The following COL5A1 variants were observed in gnomAD, a reference collection of about 807,000 sequenced individuals.
COL5A1 encodes collagen type V alpha 1 chain, also known as collagen alpha-1(V) chain.
Under a neutral mutation model 263.7 loss-of-function variants are expected in COL5A1, and 16 were observed. That is an observed-to-expected ratio of 0.06 (90% confidence interval 0.04 to 0.09). The LOEUF is 0.09. Ranked by LOEUF, COL5A1 falls within the 10% of genes least tolerant of loss-of-function variation. The probability of loss-of-function intolerance (pLI) is 1.00; values close to 1 mark genes in which losing one functional copy is unlikely to be tolerated. For synonymous variants in COL5A1, 1,012 were observed against 1,004.5 expected, an observed-to-expected ratio of 1.01 and a Z score of -0.14; for missense variants, 2,036 against 2,540.5, an observed-to-expected ratio of 0.80 and a Z score of 4.27.
In COL5A1 at chr9:134,642,675, C is replaced by G. The variant is rs921419302; in HGVS notation, c.109+379C>G. Among the ~76,000 whole-genome samples the G allele has an allele frequency of 6.6e-6, 1 of 152,240 alleles. No individual in the cohort carries two copies. Among genetic ancestry groups the G allele is most frequent in the Non-Finnish European group, 1.5e-5 (1 of 68,024 alleles). On this transcript the variant is annotated intron_variant, in intron 1 of 65. Coordinates refer to ENST00000371817, the MANE Select transcript of COL5A1 (RefSeq NM_000093.5). This position sits in a 1 kb window ranked among gnomAD's most constrained non-coding sequence, Gnocchi z 4.5. ...CCTCACAGCCCTACAGCAGAACTTC[C>G]TCTGCTCCAAACCGGGCAGGGCCGC...
chr9:134,704,814 A>G (rs1307836827), intron 4 of COL5A1, among the ~76,000 whole-genome samples: 2 of 150,400 alleles, frequency 1.3e-5, no homozygotes, highest in Non-Finnish European at 3.0e-5. Context: ...TTCCCTTAAC[A>G]GTGTGAGGAG....
chr9:134,786,141 G>GC lies in COL5A1; in HGVS notation c.2646+94dup. ...GCATCCGGCCGTGTTAGGTGTCCCGGCACAGGTGGAAGGATGTTCTGCCGA... is the reference window on the plus strand; with the variant it reads ...GCATCCGGCCGTGTTAGGTGTCCCGGCCACAGGTGGAAGGATGTTCTGCCGA... On this transcript the variant is annotated intron_variant, in intron 31 of 65. Transcript: ENST00000371817. The GC allele has an allele frequency of 5.9e-6, 7 of 1,185,614 alleles. 1 individual carries two copies. The South Asian group carries it at 9.1e-5, about 15-fold the overall frequency. The allele number at this position is 1,185,614 out of a possible 1,614,324, so 73.4% of individuals were successfully genotyped here.
intron 18 of COL5A1, 39 bp from the exon 19 acceptor site, chr9:134,761,886 T>G (rs555991088): frequency 6.2e-7 from 1 of 1,608,066 alleles, no homozygotes; most frequent in Admixed American, 1.7e-5. Flanking sequence ...CTGCATGACC[T>G]GCTCAGGAGA....
chr9:134,819,120 A>C, intron 57 of COL5A1, 67 bp downstream of exon 57: 7 of 1,498,370 alleles, frequency 4.7e-6, no homozygotes, highest in Non-Finnish European at 6.5e-6. Flanking sequence ...CGTGGGTCTC[A>C]AACTCAACAA....
intron 4 of COL5A1, among the ~76,000 whole-genome samples, chr9:134,725,277 C>T (rs764388400): frequency 1.3e-4 from 20 of 152,178 alleles, no homozygotes; most frequent in Non-Finnish European, 1.0e-4. Flanking sequence ...CACAGGTCCT[C>T]GGTTTCCTCT....
intron 65 of COL5A1, among the ~76,000 whole-genome samples, chr9:134,839,324 CAG>C (rs1166661053): frequency 2.6e-5 from 4 of 152,192 alleles, no homozygotes; most frequent in South Asian, 2.1e-4. Context: ...AACGGGGTAA[CAG>C]AGCGGCTCGC....
intron 4 of COL5A1, among the ~76,000 whole-genome samples, chr9:134,725,189 C>G (rs1034492091): frequency 6.6e-6 from 1 of 152,082 alleles, no homozygotes; most frequent in Admixed American, 6.5e-5. Flanking sequence ...TGTGGTGGGG[C>G]GTGTAGTGGT....
At chr9:134,838,703 AG>A (rs768277664) in intron 65 of COL5A1, among the ~76,000 whole-genome samples, 4 of 152,224 alleles carry the variant, frequency 2.6e-5, no homozygotes, top group Non-Finnish European at 5.9e-5. Flanking sequence ...CTGGGCAGGG[AG>A]AGGAGAAGCA....
chr9:134,767,188 C>G (rs747860941), intron 23 of COL5A1, 122 bp from the exon 24 acceptor site: 5 of 1,416,490 alleles, frequency 3.5e-6, no homozygotes, highest in Non-Finnish European at 5.0e-6. Context: ...TGGAGGGAGA[C>G]TAGGACCTGG....
intron 4 of COL5A1, among the ~76,000 whole-genome samples, chr9:134,702,920 G>A (rs1330936597): frequency 2.6e-5 from 4 of 152,252 alleles, no homozygotes; most frequent in African/African-American, 7.2e-5. Context: ...ACACAGCAGC[G>A]CACTGTCTCC....
chr9:134,753,564 C>A lies in COL5A1; in HGVS notation c.1720-286C>A, dbSNP rs548038580. 1.2e-4 allele frequency among the ~76,000 whole-genome samples: 18 copies of A among 152,304 alleles called. No individual in the cohort carries two copies. The East Asian group carries it at 3.5e-3, about 29-fold the overall frequency. ...TAACGGACCACGGTCAGGTTCACCC[C>A]GGAGAGAGAAACATCTCCAGGAGCT... On this transcript the variant is annotated intron_variant, in intron 14 of 65. Coordinates refer to ENST00000371817, the MANE Select transcript of COL5A1 (RefSeq NM_000093.5).
chr9:134,815,457 A>C, intron 50 of COL5A1, 119 bp from the exon 51 acceptor site: 1 of 1,012,908 alleles, frequency 9.9e-7, no homozygotes, highest in South Asian at 1.4e-5. Flanking sequence ...GAACTGCTGG[A>C]AAGTCTTAGG....
chr9:134,756,888 C>T (rs541043652), intron 17 of COL5A1, 70 bp downstream of exon 17: 72 of 1,450,690 alleles, frequency 5.0e-5, no homozygotes, highest in Non-Finnish European at 6.9e-5. Context: ...GATGATGTAA[C>T]CAAAATGCTG....
At chr9:134,808,536 C>A (rs534903260) in intron 42 of COL5A1, among the ~76,000 whole-genome samples, 20 of 152,228 alleles carry the variant, frequency 1.3e-4, no homozygotes, top group Admixed American at 1.2e-3. Context: ...TTTATATGTC[C>A]TTGTGTGTAC....
chr9:134,786,003 C>G lies in COL5A1; in HGVS notation c.2601C>G (p.Leu867=). 6.2e-7 allele frequency: 1 copy of G among 1,613,308 alleles called. No individual in the cohort carries two copies. Residue 867 remains leucine (L), a synonymous_variant, in exon 31 of 66, where the codon CTC becomes CTG. Transcript: ENST00000371817. Reference sequence around the variant, plus strand: ...ACTCTTTCTTCCCCCAGGGAAAACTCGGAGTCCCAGGGTTACCAGGGTATC... The same window carrying G: ...ACTCTTTCTTCCCCCAGGGAAAACTGGGAGTCCCAGGGTTACCAGGGTATC... The part of the protein sequence containing the change: ...PLGPPGEKGK[L]GVPGLPGYPG...
At chr9:134,764,860 A>G (rs1022410257) in intron 20 of COL5A1, among the ~76,000 whole-genome samples, 1 of 152,214 alleles carries the variant, frequency 6.6e-6, no homozygotes, top group Non-Finnish European at 1.5e-5. Context: ...TGCTATAACT[A>G]GGTATTAAAA....
chr9:134,781,417 C>T (rs1011994276), intron 28 of COL5A1, among the ~76,000 whole-genome samples: 3 of 152,382 alleles, frequency 2.0e-5, no homozygotes, highest in South Asian at 2.1e-4. Flanking sequence ...CTTCGGAACA[C>T]GAGGGCCTTA....
At chr9:134,646,858 T>C (rs1282599445) in intron 1 of COL5A1, among the ~76,000 whole-genome samples, 1 of 152,164 alleles carries the variant, frequency 6.6e-6, no homozygotes. Context: ...AGGCTGGAGC[T>C]GAGTTTCCCT....
At chr9:134,746,917 A>T (rs946900165) in intron 11 of COL5A1, among the ~76,000 whole-genome samples, 6 of 152,256 alleles carry the variant, frequency 3.9e-5, no homozygotes, top group Admixed American at 2.0e-4. Flanking sequence ...CAACAGCCAC[A>T]TCGCTGGCCC....
Sources: allele counts gnomAD v4.1 joint callset (sites outside exome capture counted in the v4.1 genomes callset), GRCh38; gene constraint gnomAD v4.1.1; non-coding constraint Gnocchi (gnomAD v3.1); transcripts MANE v1.5; gene names NCBI Gene and HGNC (gene_info 2026-07-23, HGNC 2026-07-21).